RASAL2: variants seen among roughly 807,000 people sequenced by gnomAD.
RASAL2 encodes RAS protein activator like 2.
In RASAL2, 58 loss-of-function variants were observed where a neutral mutation model predicts 128.9. The ratio of observed to expected loss-of-function variants is 0.45; its 90% confidence interval spans 0.36 to 0.56. The LOEUF (loss-of-function observed/expected upper bound fraction) is 0.56. Among genes scored for constraint, RASAL2 ranks in the 20% least tolerant of loss-of-function variants. The pLI, the probability that RASAL2 is intolerant of heterozygous loss-of-function variation, is 0.00. For synonymous variants in RASAL2, 561 were observed against 580.8 expected (o/e 0.97, Z 0.49); for missense variants, 1,360 against 1,601.6 (o/e 0.85, Z 2.57).
chr1:178,171,405 G>C (rs139630251), intron 1 of RASAL2, among the ~76,000 whole-genome samples: 1 of 151,860 alleles, frequency 6.6e-6, no homozygotes, highest in South Asian at 2.1e-4. Context: ...CCCCACAAAA[G>C]AATAAAAGTA....
In RASAL2 at chr1:178,137,757, AG is replaced by A. The variant is rs1308840025; in HGVS notation, c.202+43064del. ...TGACGCTTTCAAATGGTCAACAAAA[AG>A]TAGAGTTAAAGATTTTGTGAAATGA... On this transcript the variant is annotated intron_variant, in intron 1 of 17. Transcript: ENST00000367649. Among the ~76,000 whole-genome samples the A allele has an allele frequency of 7.9e-5, 12 of 152,284 alleles. No homozygotes were observed. The South Asian group carries it at 2.3e-3, about 29-fold the overall frequency.
chr1:178,464,243 G>C lies in RASAL2; in HGVS notation c.3253-35G>C, dbSNP rs768508409. 1.2e-5 allele frequency: 19 copies of C among 1,582,418 alleles called. No homozygotes were observed. In the East Asian group the frequency reaches 4.1e-4, roughly 34 times the overall value. On this transcript the variant is annotated intron_variant, in intron 14 of 17. Transcript: ENST00000367649. ...GTGAAACATAGCACACGGGTGAGCT[G>C]TTAGGGGAAATGCTAATAACTGTTT...
chr1:178,261,106 G>C (rs1054960621), intron 1 of RASAL2, among the ~76,000 whole-genome samples: 3 of 152,076 alleles, frequency 2.0e-5, no homozygotes, highest in Admixed American at 6.6e-5. Context: ...CAGCTCTTTG[G>C]AACTCTCTAA....
chr1:178,361,597 T>C (rs1307202226), intron 3 of RASAL2, among the ~76,000 whole-genome samples: 1 of 152,070 alleles, frequency 6.6e-6, no homozygotes, highest in African/African-American at 2.4e-5. Context: ...GTACTGAACA[T>C]GTACAGACTT....
At chr1:178,195,752 A>G (rs1365338064) in intron 1 of RASAL2, among the ~76,000 whole-genome samples, 1 of 152,180 alleles carries the variant, frequency 6.6e-6, no homozygotes, top group Admixed American at 6.5e-5. Flanking sequence ...ATCAAACTAT[A>G]CATTTTCTAG....
In RASAL2 at chr1:178,147,873, C is replaced by T. The variant is rs537356508; in HGVS notation, c.202+53179C>T. ...TCACCTGAGGTCAGGGGTTCGAGACCAGGCTGGCCAACATGGTGAAAACCT... is the reference window on the plus strand; with the variant it reads ...TCACCTGAGGTCAGGGGTTCGAGACTAGGCTGGCCAACATGGTGAAAACCT... On this transcript the variant is annotated intron_variant, in intron 1 of 17. Coordinates refer to ENST00000367649, the MANE Select transcript of RASAL2 (RefSeq NM_170692.4). Among the ~76,000 whole-genome samples the T allele has an allele frequency of 8.1e-4, 123 of 152,162 alleles. 1 individual carries two copies. The highest frequency in any genetic ancestry group is 2.9e-3 in the African/African-American group (122 of 41,538).
At chr1:178,258,960 C>T (rs988417014) in intron 1 of RASAL2, among the ~76,000 whole-genome samples, 2 of 151,962 alleles carry the variant, frequency 1.3e-5, no homozygotes, top group East Asian at 3.9e-4. Flanking sequence ...TTTCTAAACA[C>T]GAATCTTGAT....
intron 1 of RASAL2, among the ~76,000 whole-genome samples, chr1:178,168,027 C>A (rs1160911505): frequency 6.6e-6 from 1 of 152,016 alleles, no homozygotes; most frequent in Non-Finnish European, 1.5e-5. Flanking sequence ...CCAGATTTTC[C>A]TCTCAACTTT....
intron 3 of RASAL2, among the ~76,000 whole-genome samples, chr1:178,313,933 TA>T (rs1668377664): frequency 6.6e-6 from 1 of 152,116 alleles, no homozygotes; most frequent in Non-Finnish European, 1.5e-5. Flanking sequence ...TAATAGACAA[TA>T]AAAACAACCT....
intron 2 of RASAL2, among the ~76,000 whole-genome samples, chr1:178,291,826 G>C (rs1391774905): frequency 6.6e-6 from 1 of 152,128 alleles, no homozygotes; most frequent in African/African-American, 2.4e-5. Flanking sequence ...CACGAGGTCA[G>C]GAGTTCGAGA....
intron 1 of RASAL2, among the ~76,000 whole-genome samples, chr1:178,176,826 A>G (rs1661910815): frequency 6.6e-6 from 1 of 151,612 alleles, no homozygotes; most frequent in South Asian, 2.1e-4. Flanking sequence ...TTTTTTTATC[A>G]TTTTGTAGAG....
At chr1:178,231,024 C>A (rs770345288) in intron 1 of RASAL2, among the ~76,000 whole-genome samples, 4 of 152,132 alleles carry the variant, frequency 2.6e-5, no homozygotes, top group Non-Finnish European at 5.9e-5. Context: ...TGCCATTTTG[C>A]CTTTTGTGTG....
intron 3 of RASAL2, among the ~76,000 whole-genome samples, chr1:178,374,345 G>C (rs1671880652): frequency 6.6e-6 from 1 of 152,070 alleles, no homozygotes; most frequent in Non-Finnish European, 1.5e-5. Flanking sequence ...CTACTTTATG[G>C]TGAATCTAGG....
intron 1 of RASAL2, among the ~76,000 whole-genome samples, chr1:178,190,794 A>G (rs1376982301): frequency 6.6e-6 from 1 of 151,616 alleles, no homozygotes; most frequent in Admixed American, 6.6e-5. Flanking sequence ...TGAGTTGTCC[A>G]TTTTAGAGCA....
At chr1:178,122,544 C>A (rs1207771124) in intron 1 of RASAL2, among the ~76,000 whole-genome samples, 1 of 152,108 alleles carries the variant, frequency 6.6e-6, no homozygotes, top group East Asian at 1.9e-4. Context: ...TATTTGCATC[C>A]TAGAACATCA....
chr1:178,283,182 T>A (rs1666862675), intron 1 of RASAL2, among the ~76,000 whole-genome samples: 1 of 152,148 alleles, frequency 6.6e-6, no homozygotes, highest in Non-Finnish European at 1.5e-5. Flanking sequence ...TCTCAAAGTG[T>A]ACATGTAACA....
intron 3 of RASAL2, among the ~76,000 whole-genome samples, chr1:178,321,485 A>G (rs1372044815): frequency 1.3e-5 from 2 of 151,910 alleles, no homozygotes; most frequent in African/African-American, 4.8e-5. Flanking sequence ...AAGTTTCATA[A>G]CTTCATTATT....
intron 3 of RASAL2, among the ~76,000 whole-genome samples, chr1:178,371,558 G>T (rs1229386335): frequency 6.6e-6 from 1 of 152,108 alleles, no homozygotes; most frequent in Non-Finnish European, 1.5e-5. Context: ...GAGGTGGGGG[G>T]AGGAATGGAG....
At chr1:178,211,210 C>T (rs1054891976) in intron 1 of RASAL2, among the ~76,000 whole-genome samples, 1 of 152,150 alleles carries the variant, frequency 6.6e-6, no homozygotes, top group South Asian at 2.1e-4. Flanking sequence ...AACTTCTTCA[C>T]CATCTGGTTA....
Sources: allele counts gnomAD v4.1 joint callset (sites outside exome capture counted in the v4.1 genomes callset), GRCh38; gene constraint gnomAD v4.1.1; transcripts MANE v1.5; gene names NCBI Gene and HGNC (gene_info 2026-07-23, HGNC 2026-07-21).